Variants in CNTN6 observed in about 807,000 individuals in gnomAD.
The protein encoded by CNTN6 is contactin-6.
In CNTN6, 137 loss-of-function variants were observed where a neutral mutation model predicts 122.8. The ratio of observed to expected loss-of-function variants is 1.12; its 90% confidence interval spans 0.97 to 1.29. The LOEUF is 1.29. CNTN6 is among the 50% of genes most tolerant of loss of function. The pLI, the probability that CNTN6 is intolerant of heterozygous loss-of-function variation, is 0.00. For synonymous variants in CNTN6, 570 were observed against 426.0 expected (o/e 1.34, Z -4.16); for missense variants, 1,634 against 1,223.4 (o/e 1.34, Z -5.01).
intron 2 of CNTN6, among the ~76,000 whole-genome samples, chr3:1,178,648 C>T (rs376797071): frequency 1.4e-3 from 218 of 152,284 alleles, no homozygotes; most frequent in African/African-American, 5.0e-3. Flanking sequence ...TTTGCTGAAG[C>T]TCGACATTTT....
At chr3:1,195,835 C>T (rs1332095355) in intron 2 of CNTN6, among the ~76,000 whole-genome samples, 4 of 152,104 alleles carry the variant, frequency 2.6e-5, no homozygotes, top group Non-Finnish European at 5.9e-5. Context: ...TTTTGGGACA[C>T]ATCACTGAAA....
intron 20 of CNTN6, chr3:1,394,559 T>A (rs1032133110): frequency 6.6e-6 from 1 of 152,414 alleles, no homozygotes; most frequent in African/African-American, 2.4e-5. Context: ...GACCCAGGTG[T>A]CTTTGAAGTC....
At chr3:1,318,941 G>A (rs946986156) in intron 7 of CNTN6, among the ~76,000 whole-genome samples, 1 of 151,738 alleles carries the variant, frequency 6.6e-6, no homozygotes, top group African/African-American at 2.4e-5. Context: ...CGTGAGTCCA[G>A]CACTGACATT....
chr3:1,280,318 G>A (rs1693145036), intron 5 of CNTN6, among the ~76,000 whole-genome samples: 1 of 152,062 alleles, frequency 6.6e-6, no homozygotes, highest in African/African-American at 2.4e-5. Context: ...CTTTTAGTGT[G>A]TGAGGCCCTC....
intron 7 of CNTN6, among the ~76,000 whole-genome samples, chr3:1,300,134 G>A (rs1416259892): frequency 2.6e-5 from 4 of 151,828 alleles, no homozygotes; most frequent in African/African-American, 4.8e-5. Context: ...CCGCCACCAC[G>A]CTAAGCTAAT....
intron 4 of CNTN6, among the ~76,000 whole-genome samples, chr3:1,254,135 G>C (rs2094715687): frequency 6.6e-6 from 1 of 151,990 alleles, no homozygotes; most frequent in Non-Finnish European, 1.5e-5. Flanking sequence ...TTTTGCTTCA[G>C]ATCTTTTTTA....
intron 12 of CNTN6, among the ~76,000 whole-genome samples, chr3:1,362,659 T>A (rs1380153280): frequency 6.6e-6 from 1 of 151,996 alleles, no homozygotes; most frequent in Non-Finnish European, 1.5e-5. Flanking sequence ...AAGGAAAATA[T>A]GGAATATAGT....
rs557622709 is a variant in CNTN6 at position 1,387,755 on chromosome 3, G to A, written c.2704+1958G>A. Among the ~76,000 whole-genome samples, 273 of 149,748 alleles carry A rather than the reference G, an allele frequency of 1.8e-3. 1 individual carries two copies. Among genetic ancestry groups the A allele is most frequent in the Middle Eastern group, 3.5e-3 (1 of 288 alleles). ...CGAGGCATTGCCTCACTTGGGAAGCGCAAGGGGTCAGGGAGTTCCCTTTCC... is the reference window on the plus strand; with the variant it reads ...CGAGGCATTGCCTCACTTGGGAAGCACAAGGGGTCAGGGAGTTCCCTTTCC... On this transcript the variant is annotated intron_variant, in intron 20 of 22. Coordinates refer to ENST00000446702, the MANE Select transcript of CNTN6 (RefSeq NM_001289080.2).
At chr3:1,190,404 TCTC>T (rs1354327178) in intron 2 of CNTN6, among the ~76,000 whole-genome samples, 23 of 152,192 alleles carry the variant, frequency 1.5e-4, no homozygotes, top group African/African-American at 5.3e-4. Flanking sequence ...CAATGTCTCT[TCTC>T]CTATTAGGCT....
intron 2 of CNTN6, among the ~76,000 whole-genome samples, chr3:1,162,121 G>T (rs1241883345): frequency 6.6e-6 from 1 of 152,098 alleles, no homozygotes; most frequent in Non-Finnish European, 1.5e-5. Context: ...TGCTCACTTT[G>T]CCAGAAGCTC....
At chr3:1,340,022 A>C (rs1298058280) in intron 11 of CNTN6, among the ~76,000 whole-genome samples, 1 of 152,158 alleles carries the variant, frequency 6.6e-6, no homozygotes, top group Non-Finnish European at 1.5e-5. Context: ...TGTTTGATAC[A>C]TCATTTCGTT....
At chr3:1,236,605 C>T (rs1032929059) in intron 4 of CNTN6, among the ~76,000 whole-genome samples, 16 of 152,120 alleles carry the variant, frequency 1.1e-4, no homozygotes, top group African/African-American at 3.4e-4. Flanking sequence ...CCAGATATTC[C>T]CTCTGACATA....
chr3:1,245,238 AC>A (rs1376333886), intron 4 of CNTN6, among the ~76,000 whole-genome samples: 383 of 7,792 alleles, frequency 0.049, 37 homozygotes, highest in African/African-American at 0.061. Flanking sequence ...ATATATATAC[AC>A]ACACACATAT....
At chr3:1,181,475 C>G (rs1456278263) in intron 2 of CNTN6, among the ~76,000 whole-genome samples, 1 of 152,010 alleles carries the variant, frequency 6.6e-6, no homozygotes, top group Non-Finnish European at 1.5e-5. Context: ...AACTGAGTAG[C>G]AAAAGTGGCA....
intron 1 of CNTN6, among the ~76,000 whole-genome samples, chr3:1,130,802 C>T (rs778196661): frequency 2.0e-5 from 3 of 152,066 alleles, no homozygotes; most frequent in Non-Finnish European, 4.4e-5. Flanking sequence ...AAGCTTCTGC[C>T]TGTCTGTGTC....
intron 2 of CNTN6, among the ~76,000 whole-genome samples, chr3:1,212,786 A>G (rs1221449250): frequency 6.6e-6 from 1 of 152,154 alleles, no homozygotes; most frequent in Non-Finnish European, 1.5e-5. Flanking sequence ...AGACAAAACA[A>G]TAAAGACTTG....
chr3:1,330,833 C>A (rs183696129), intron 11 of CNTN6, among the ~76,000 whole-genome samples: 1 of 151,822 alleles, frequency 6.6e-6, no homozygotes, highest in Non-Finnish European at 1.5e-5. Flanking sequence ...ATGACTGTGA[C>A]GGACTAGAAA....
chr3:1,377,341 C>T (rs1234133194), intron 17 of CNTN6, among the ~76,000 whole-genome samples: 4 of 152,078 alleles, frequency 2.6e-5, no homozygotes, highest in Non-Finnish European at 1.5e-5. Flanking sequence ...GTAGCATTTT[C>T]GTTATCGCTT....
chr3:1,169,143 T>A (rs1441272928), intron 2 of CNTN6, among the ~76,000 whole-genome samples: 3 of 152,214 alleles, frequency 2.0e-5, no homozygotes, highest in Non-Finnish European at 4.4e-5. Context: ...GCCCTAGTCA[T>A]GCTTTAGGAT....
Sources: allele counts gnomAD v4.1 joint callset (sites outside exome capture counted in the v4.1 genomes callset), GRCh38; gene constraint gnomAD v4.1.1; transcripts MANE v1.5; gene names NCBI Gene and HGNC (gene_info 2026-07-23, HGNC 2026-07-21).